SEMA3D: variants seen among roughly 807,000 people sequenced by gnomAD.
SEMA3D encodes semaphorin 3D, also known as semaphorin-3D.
A neutral mutation model predicts 100.1 loss-of-function variants in SEMA3D; 84 were observed. The observed-to-expected ratio is 0.84, with a 90% confidence interval of 0.70 to 1.01. The LOEUF is 1.01. Among genes scored for constraint, SEMA3D ranks in the 50% least tolerant of loss-of-function variants. SEMA3D has a pLI of 0.00. For synonymous variants in SEMA3D, 312 were observed against 320.7 expected (o/e 0.97, Z 0.29); for missense variants, 875 against 934.1 (o/e 0.94, Z 0.82).
Position 84,996,579 on chromosome 7 carries a change from A to C in SEMA3D, c.*2861T>G. On this transcript the variant is annotated 3_prime_UTR_variant, in exon 19 of 19. Coordinates refer to ENST00000284136, the MANE Select transcript of SEMA3D (RefSeq NM_001384900.1). ...TCTACATAAATTAATTAGACAATTC[A>C]TTTCTAAATAAAATCTCAAAATTTA... is the stretch of plus-strand genomic sequence containing the variant. 6.6e-6 allele frequency: 1 copy of C among 152,410 alleles called. No homozygotes were observed. The highest frequency in any genetic ancestry group is 1.9e-4 in the East Asian group (1 of 5,200). 9.4% of individuals were successfully genotyped at this position (152,410 alleles called of 1,614,324 possible).
At chr7:85,078,450 T>G (rs1787951731) in intron 5 of SEMA3D, among the ~76,000 whole-genome samples, 3 of 152,178 alleles carry the variant, frequency 2.0e-5, no homozygotes, top group Admixed American at 2.0e-4. Flanking sequence ...TGTGCCCCTC[T>G]GTGGTTGAGC....
intron 3 of SEMA3D, among the ~76,000 whole-genome samples, chr7:85,102,620 C>T (rs1400659675): frequency 6.6e-6 from 1 of 151,890 alleles, no homozygotes; most frequent in Non-Finnish European, 1.5e-5. Flanking sequence ...GTGGCAACAA[C>T]TATAGCTGAG....
At position 85,072,973 on chromosome 7, in the gene SEMA3D, C is replaced by T; in HGVS notation, c.484G>A (p.Val162Ile). The T allele has an allele frequency of 6.2e-7, 1 of 1,605,148 alleles. No homozygotes were observed. The highest frequency in any genetic ancestry group is 8.5e-7 in the Non-Finnish European group (1 of 1,175,428). ...HPICGYIDLG[V>I]YKEDIIFKLD... is the part of the protein sequence containing the mutation. ...TTTCATTATATTACCTCCTTGTAGACTCCAAGATCAATATACCCACATATT... is the reference window on the plus strand; with the variant it reads ...TTTCATTATATTACCTCCTTGTAGATTCCAAGATCAATATACCCACATATT... The change falls in exon 6 of 19, where the codon GTC (valine) becomes ATC (isoleucine). Residue 162 changes from valine to isoleucine, a missense_variant. Val to Ile is a conservative substitution (Grantham distance 29, BLOSUM62 3). Coordinates refer to ENST00000284136, the MANE Select transcript of SEMA3D (RefSeq NM_001384900.1).
At chr7:85,163,034 T>C in intron 1 of SEMA3D, 1 of 923,504 alleles carries the variant, frequency 1.1e-6, no homozygotes, top group Middle Eastern at 5.6e-4. Context: ...GGATGTGAAG[T>C]AAGAATATAA....
chr7:85,034,067 G>A (rs1447319740), intron 12 of SEMA3D, among the ~76,000 whole-genome samples: 1 of 152,044 alleles, frequency 6.6e-6, no homozygotes, highest in Non-Finnish European at 1.5e-5. Flanking sequence ...TCACTAATTA[G>A]CTTTGTGACC....
In SEMA3D at chr7:85,121,795, G is replaced by T. The variant is rs770028751; in HGVS notation, c.97C>A (p.Pro33Thr). Residue 33 changes from proline (P) to threonine (T), a missense_variant, in exon 3 of 19, where the codon CCA (proline) becomes ACA (threonine). By Grantham distance (38) the Pro-to-Thr change is conservative. Transcript: ENST00000284136. ...TTTTGCTTCAAAGTGCCAGTGACTGGAAGAAACAACATGGTCATGCTTAGC... is the reference window on the plus strand; with the variant it reads ...TTTTGCTTCAAAGTGCCAGTGACTGTAAGAAACAACATGGTCATGCTTAGC... ...MMLSMTMLFL[P>T]VTGTLKQNIP... 2 of 1,609,490 alleles carry T rather than the reference G, an allele frequency of 1.2e-6. No individual in the cohort carries two copies. Among genetic ancestry groups the T allele is most frequent in the East Asian group, 2.2e-5 (1 of 44,634 alleles).
chr7:85,125,057 C>T (rs1008747759), intron 2 of SEMA3D, among the ~76,000 whole-genome samples: 1 of 152,048 alleles, frequency 6.6e-6, no homozygotes, highest in African/African-American at 2.4e-5. Context: ...TGTATTCTCC[C>T]TCCTACCCAT....
At chr7:85,083,650 C>T (rs983160988) in intron 4 of SEMA3D, among the ~76,000 whole-genome samples, 1 of 150,778 alleles carries the variant, frequency 6.6e-6, no homozygotes, top group Admixed American at 6.6e-5. Context: ...CGAGACCATC[C>T]TGGCTAACAC....
chr7:85,159,814 A>G lies in SEMA3D; in HGVS notation c.-172-6075T>C, dbSNP rs780108324. ...ACAGCAGGCTATCTAATACCAGTGC[A>G]TACTCTTTCCTTCACACTGTCCTGC... is the stretch of plus-strand genomic sequence containing the variant. On this transcript the variant is annotated intron_variant, in intron 1 of 18. Coordinates refer to ENST00000284136, the MANE Select transcript of SEMA3D (RefSeq NM_001384900.1). 8 of 983,640 alleles carry G rather than the reference A, an allele frequency of 8.1e-6. No homozygotes were observed. In the African/African-American group the frequency reaches 1.4e-4, roughly 17 times the overall value. The allele number at this position is 983,640 out of a possible 1,614,324, so 60.9% of individuals were successfully genotyped here. A position where few individuals can be genotyped will look rare whatever the true frequency, so the allele number is the denominator to read the frequency against.
At chr7:85,194,619 T>C in the SEMA3D span, among the ~76,000 whole-genome samples, 3 of 152,164 alleles carry the variant, frequency 2.0e-5, no homozygotes, top group African/African-American at 7.2e-5. Context: ...CTCCCAATGG[T>C]AGCATTTAAA....
At chr7:85,036,593 G>A (rs565894672) in intron 12 of SEMA3D, among the ~76,000 whole-genome samples, 1 of 152,046 alleles carries the variant, frequency 6.6e-6, no homozygotes, top group Admixed American at 6.6e-5. Flanking sequence ...TAGAATAGCT[G>A]TCATTCTAGA....
intron 18 of SEMA3D, among the ~76,000 whole-genome samples, chr7:85,003,583 C>G (rs890537089): frequency 6.7e-6 from 1 of 150,130 alleles, no homozygotes; most frequent in Non-Finnish European, 1.5e-5. Flanking sequence ...TTGTCAGAAA[C>G]AAAATAAATG....
chr7:85,097,663 A>G (rs950383285), intron 4 of SEMA3D, 142 bp downstream of exon 4: 4 of 466,034 alleles, frequency 8.6e-6, no homozygotes, highest in African/African-American at 8.0e-5. Context: ...CAGAGGCAAT[A>G]TATTCTTTAT....
intron 2 of SEMA3D, chr7:85,141,853 C>T: frequency 1.2e-6 from 1 of 867,060 alleles, no homozygotes; most frequent in Non-Finnish European, 1.4e-6. Context: ...AAACAAGGGC[C>T]CAGTTTATAA....
intron 2 of SEMA3D, among the ~76,000 whole-genome samples, chr7:85,152,567 A>T (rs28680604): frequency 0.02 from 2,978 of 152,218 alleles, 100 homozygotes; most frequent in African/African-American, 0.068. Context: ...ACAATGAAAC[A>T]ACACAACAAT....
the SEMA3D span, among the ~76,000 whole-genome samples, chr7:85,216,357 TTGTG>T: frequency 0.029 from 4,186 of 146,228 alleles, 194 homozygotes; most frequent in East Asian, 0.2. Context: ...AATAAGAGTG[TTGTG>T]TGTGTGTGTG....
intron 9 of SEMA3D, among the ~76,000 whole-genome samples, chr7:85,049,962 T>C (rs568884945): frequency 1.7e-4 from 26 of 151,490 alleles, no homozygotes; most frequent in Non-Finnish European, 3.1e-4. Context: ...CAAAAATGAA[T>C]AGAATTCAAA....
intron 1 of SEMA3D, chr7:85,167,274 T>C (rs1334664520): frequency 3.0e-6 from 3 of 984,902 alleles, no homozygotes; most frequent in Non-Finnish European, 2.4e-6. Flanking sequence ...GCTGGTTAAA[T>C]AGAGAAGTGA....
At position 85,036,992 on chromosome 7, in the gene SEMA3D, G is replaced by A; in HGVS notation, c.1088C>T (p.Ala363Val). Reference protein sequence around the residue: ...KGSAVCVYSMADIRAVFNGPY... With the variant: ...KGSAVCVYSMVDIRAVFNGPY... Reference sequence around the variant, plus strand: ...ACCATTAAAAACTGCTCTGATGTCAGCCATGCTATACACACAAACAGCAGA... The same window carrying A: ...ACCATTAAAAACTGCTCTGATGTCAACCATGCTATACACACAAACAGCAGA... The change falls in exon 12 of 19, where the codon GCT becomes GTT. Residue 363 changes from alanine (A) to valine (V), a missense_variant. Physicochemically the swap from Ala to Val is moderately conservative, Grantham distance 64 (BLOSUM62 0). Transcript: ENST00000284136. The A allele has an allele frequency of 6.2e-7, 1 of 1,613,198 alleles. No homozygotes were observed.
Sources: gnomAD v4.1 joint callset for allele counts (sites outside exome capture counted in the v4.1 genomes callset) on GRCh38, gnomAD v4.1.1 for gene constraint, MANE v1.5 for transcripts, NCBI Gene and HGNC (gene_info 2026-07-23, HGNC 2026-07-21) for gene names.